Variants in EXOC4 observed in about 807,000 individuals in gnomAD.
EXOC4 encodes the protein SEC8-like 1.
EXOC4 carries 71 observed loss-of-function variants against 107.2 expected under a neutral mutation model. That is an observed-to-expected ratio of 0.66 (90% CI 0.55 to 0.81). The LOEUF (loss-of-function observed/expected upper bound fraction) is 0.81. Ranked by LOEUF, EXOC4 falls within the 30% of genes least tolerant of loss-of-function variation. The pLI, the probability that EXOC4 is intolerant of heterozygous loss-of-function variation, is 0.00. For synonymous variants in EXOC4, 456 were observed against 441.2 expected, an observed-to-expected ratio of 1.03 and a Z score of -0.42; for missense variants, 1,108 against 1,189.6, an observed-to-expected ratio of 0.93 and a Z score of 1.01.
chr7:133,683,544 T>C (rs1794231988), intron 10 of EXOC4, among the ~76,000 whole-genome samples: 1 of 152,220 alleles, frequency 6.6e-6, no homozygotes, highest in Non-Finnish European at 1.5e-5. Context: ...TATACTGTGA[T>C]AATTATTCTT....
chr7:133,257,322 T>C (rs1584753809), intron 1 of EXOC4, among the ~76,000 whole-genome samples: 1 of 152,150 alleles, frequency 6.6e-6, no homozygotes, highest in South Asian at 2.1e-4. Context: ...ACACCTACTT[T>C]TCTGTTGACC....
chr7:133,934,400 A>G (rs1800250606), intron 13 of EXOC4, among the ~76,000 whole-genome samples: 1 of 152,150 alleles, frequency 6.6e-6, no homozygotes, highest in South Asian at 2.1e-4. Context: ...ATTCCTGTCA[A>G]ATGAGATGTC....
intron 10 of EXOC4, among the ~76,000 whole-genome samples, chr7:133,703,189 C>T (rs192207165): frequency 6.6e-6 from 1 of 152,116 alleles, no homozygotes; most frequent in East Asian, 1.9e-4. Flanking sequence ...GCCAGGCACG[C>T]ACCACTGTGT....
intron 9 of EXOC4, among the ~76,000 whole-genome samples, chr7:133,614,383 T>C (rs1330488844): frequency 6.6e-6 from 1 of 152,122 alleles, no homozygotes; most frequent in East Asian, 1.9e-4. Context: ...GTTCCATTGA[T>C]GCTTTGTCCC....
At chr7:133,944,149 T>C (rs1298273830) in intron 14 of EXOC4, among the ~76,000 whole-genome samples, 1 of 152,210 alleles carries the variant, frequency 6.6e-6, no homozygotes, top group Non-Finnish European at 1.5e-5. Flanking sequence ...AATGAAAGTC[T>C]ATACTTAGTT....
chr7:133,899,495 T>A (rs553770601), intron 12 of EXOC4, among the ~76,000 whole-genome samples: 4 of 152,262 alleles, frequency 2.6e-5, no homozygotes, highest in Non-Finnish European at 5.9e-5. Flanking sequence ...CTCCTGTCCA[T>A]TGGACATAGT....
chr7:133,694,727 T>C (rs1794495328), intron 10 of EXOC4, among the ~76,000 whole-genome samples: 1 of 152,194 alleles, frequency 6.6e-6, no homozygotes, highest in Non-Finnish European at 1.5e-5. Context: ...ACATTCAGAT[T>C]CTTCTAGCTA....
At chr7:133,802,999 G>A (rs1401934037) in intron 10 of EXOC4, among the ~76,000 whole-genome samples, 1 of 152,118 alleles carries the variant, frequency 6.6e-6, no homozygotes, top group East Asian at 1.9e-4. Context: ...AAGTGTGAAT[G>A]CATTGAAGTA....
chr7:133,663,196 A>T (rs998527525), intron 10 of EXOC4, among the ~76,000 whole-genome samples: 3 of 152,000 alleles, frequency 2.0e-5, no homozygotes, highest in Non-Finnish European at 1.5e-5. Context: ...GACTCCCTTC[A>T]CTTAGCTGCC....
intron 9 of EXOC4, among the ~76,000 whole-genome samples, chr7:133,566,930 T>A (rs1369048074): frequency 6.6e-6 from 1 of 152,132 alleles, no homozygotes; most frequent in East Asian, 1.9e-4. Context: ...CCTGGACACA[T>A]AAACAGAATC....
chr7:133,587,633 G>A (rs1421059339), intron 9 of EXOC4, among the ~76,000 whole-genome samples: 1 of 152,174 alleles, frequency 6.6e-6, no homozygotes, highest in Non-Finnish European at 1.5e-5. Flanking sequence ...GAACCTATCA[G>A]CAAAATCAGA....
At chr7:134,095,107 T>C in the EXOC4 span, among the ~76,000 whole-genome samples, 4 of 152,120 alleles carry the variant, frequency 2.6e-5, no homozygotes, top group African/African-American at 9.7e-5. Flanking sequence ...CAGCAAAGTT[T>C]CAGGCTACAA....
In EXOC4 at chr7:133,268,702, G is replaced by A. The variant is rs78915001; in HGVS notation, c.87-6280G>A. Among the ~76,000 whole-genome samples the A allele has an allele frequency of 3.2e-4, 49 of 152,292 alleles. 1 individual carries two copies. The East Asian group carries it at 9.3e-3, about 29-fold the overall frequency. On this transcript the variant is annotated intron_variant, in intron 1 of 17. Coordinates refer to ENST00000253861, the MANE Select transcript of EXOC4 (RefSeq NM_021807.4). ...CCAGTTATTTACCCTGGGTTTTAATGCTTGTTTATGGGACTCACTTGGAGC... is the reference window on the plus strand; with the variant it reads ...CCAGTTATTTACCCTGGGTTTTAATACTTGTTTATGGGACTCACTTGGAGC...
intron 9 of EXOC4, among the ~76,000 whole-genome samples, chr7:133,578,492 T>C (rs1422325593): frequency 6.6e-6 from 1 of 152,222 alleles, no homozygotes; most frequent in African/African-American, 2.4e-5. Context: ...CTAGCTTGAA[T>C]ATAATAACAT....
intron 7 of EXOC4, among the ~76,000 whole-genome samples, chr7:133,410,799 G>T (rs1797339195): frequency 6.6e-6 from 1 of 152,036 alleles, no homozygotes; most frequent in South Asian, 2.1e-4. Context: ...ATACAGTTCT[G>T]CATCTTAGCT....
intron 5 of EXOC4, among the ~76,000 whole-genome samples, chr7:133,317,965 A>G (rs1052093180): frequency 1.3e-5 from 2 of 152,192 alleles, no homozygotes; most frequent in Non-Finnish European, 2.9e-5. Context: ...GGCGACCAGC[A>G]CTGTTTTTCT....
At chr7:133,939,873 C>A (rs1406855016) in intron 14 of EXOC4, among the ~76,000 whole-genome samples, 1 of 152,154 alleles carries the variant, frequency 6.6e-6, no homozygotes, top group African/African-American at 2.4e-5. Context: ...TTTAAATTAT[C>A]CATTTTGTCT....
rs1797427111 is a variant in EXOC4, at chr7:133,414,354, T to TGA, written c.1182+39353_1182+39354insAG. On this transcript the variant is annotated intron_variant, in intron 7 of 17. Coordinates refer to ENST00000253861, the MANE Select transcript of EXOC4 (RefSeq NM_021807.4). ...AAGGATGAGAAGAAACAGGAACTCT[T>TGA]GTATATTACTGATGAGAATAAATTA... 2.0e-5 allele frequency among the ~76,000 whole-genome samples: 3 copies of TGA among 152,186 alleles called. No homozygotes were observed. In the South Asian group the frequency reaches 6.2e-4, roughly 31 times the overall value.
chr7:134,060,862 C>A (rs1375027418), intron 17 of EXOC4, among the ~76,000 whole-genome samples: 2 of 152,082 alleles, frequency 1.3e-5, no homozygotes, highest in African/African-American at 4.8e-5. Context: ...GGAATTTTTT[C>A]TCTCTAACTA....
Sources: gnomAD v4.1 joint callset for allele counts (sites outside exome capture counted in the v4.1 genomes callset) on GRCh38, gnomAD v4.1.1 for gene constraint, MANE v1.5 for transcripts, NCBI Gene and HGNC (gene_info 2026-07-23, HGNC 2026-07-21) for gene names.